KANSL1: variants seen among roughly 807,000 people sequenced by gnomAD.
KANSL1 encodes KAT8 regulatory NSL complex subunit 1.
A neutral mutation model predicts 103.6 loss-of-function variants in KANSL1; 22 were observed. The observed-to-expected ratio is 0.21, with a 90% CI of 0.15 to 0.30. The LOEUF is 0.30. Ranked by LOEUF, KANSL1 falls within the 10% of genes least tolerant of loss-of-function variation. The pLI is 1.00. For missense variants in KANSL1, 1,337 were observed against 1,399.8 expected (o/e 0.96, Z 0.72); for synonymous variants, 600 against 527.6 (o/e 1.14, Z -1.88).
chr17:46,086,355 C>T (rs2079163897), intron 3 of KANSL1, among the ~76,000 whole-genome samples: 1 of 152,160 alleles, frequency 6.6e-6, no homozygotes. Flanking sequence ...TAGGTCAAAG[C>T]TTATGTCTCT....
intron 2 of KANSL1, among the ~76,000 whole-genome samples, chr17:46,116,305 C>T (rs1332428832): frequency 2.0e-5 from 3 of 152,152 alleles, no homozygotes; most frequent in Admixed American, 6.5e-5. Context: ...CCAAGGCAGG[C>T]GGATCACGAG....
intron 1 of KANSL1, among the ~76,000 whole-genome samples, chr17:46,214,629 G>C (rs2048283112): frequency 6.6e-6 from 1 of 152,162 alleles, no homozygotes; most frequent in Non-Finnish European, 1.5e-5. Flanking sequence ...GCTCCAGCCT[G>C]GGCAACAAAG....
At chr17:46,206,307 G>A (rs1027710392) in intron 1 of KANSL1, among the ~76,000 whole-genome samples, 1 of 152,216 alleles carries the variant, frequency 6.6e-6, no homozygotes, top group Admixed American at 6.5e-5. Context: ...AAGACAGTGT[G>A]GTAGTGGCAT....
At chr17:46,105,906 GACACACACACACACACAC>G (rs773000790) in intron 2 of KANSL1, among the ~76,000 whole-genome samples, 54 of 95,266 alleles carry the variant, frequency 5.7e-4, no homozygotes, top group Middle Eastern at 0.011. Flanking sequence ...GCAAGGCCTT[GACACACACACACACACAC>G]ACACACACAC....
intron 2 of KANSL1, among the ~76,000 whole-genome samples, chr17:46,143,803 C>CAAAAAAAAAAAAAAAAAAAAAAAA (rs57361021): frequency 8.2e-5 from 7 of 85,536 alleles, no homozygotes; most frequent in Non-Finnish European, 1.2e-4. Flanking sequence ...GACTCCATCT[C>CAAAAAAAAAAAAAAAAAAAAAAAA]AAAAAAAAAA....
chr17:46,149,666 T>C (rs983451856), intron 2 of KANSL1, among the ~76,000 whole-genome samples: 2 of 152,234 alleles, frequency 1.3e-5, no homozygotes, highest in Non-Finnish European at 2.9e-5. Flanking sequence ...CCAACTAATA[T>C]CAACTTTCCT....
At chr17:46,177,935 G>A (rs571309209) in intron 1 of KANSL1, among the ~76,000 whole-genome samples, 7 of 152,232 alleles carry the variant, frequency 4.6e-5, no homozygotes, top group African/African-American at 1.7e-4. Context: ...CCGCCACCAC[G>A]CCCAGCTAGT....
intron 7 of KANSL1, among the ~76,000 whole-genome samples, chr17:46,048,658 G>A (rs1355501183): frequency 1.3e-5 from 2 of 152,170 alleles, no homozygotes; most frequent in South Asian, 2.1e-4. Flanking sequence ...ATGAGATTAC[G>A]TGAAAATTCA....
At chr17:46,043,178 G>C (rs560775176) in intron 7 of KANSL1, 1 of 152,290 alleles carries the variant, frequency 6.6e-6, no homozygotes, top group Non-Finnish European at 1.5e-5. Flanking sequence ...GTCAGCAGAA[G>C]AGTTACTCCC....
intron 2 of KANSL1, among the ~76,000 whole-genome samples, chr17:46,095,615 G>T (rs1432013383): frequency 6.6e-6 from 1 of 152,188 alleles, no homozygotes; most frequent in Non-Finnish European, 1.5e-5. Context: ...ATTTCAAATT[G>T]CTAAATATGA....
At chr17:46,080,770 A>G (rs942264288) in intron 4 of KANSL1, among the ~76,000 whole-genome samples, 9 of 149,330 alleles carry the variant, frequency 6.0e-5, no homozygotes, top group African/African-American at 2.2e-4. Context: ...AAGCATGGAT[A>G]TATTCATAAA....
chr17:46,073,552 C>T (rs1012704492), intron 4 of KANSL1, among the ~76,000 whole-genome samples: 3 of 151,896 alleles, frequency 2.0e-5, no homozygotes, highest in Non-Finnish European at 2.9e-5. Context: ...ACCTACAGGA[C>T]GTTGAGTGAG....
intron 2 of KANSL1, among the ~76,000 whole-genome samples, chr17:46,107,831 G>C (rs1316173042): frequency 6.6e-6 from 1 of 152,084 alleles, no homozygotes; most frequent in Non-Finnish European, 1.5e-5. Flanking sequence ...CAACTAGATG[G>C]ATCTGTTCAG....
intron 1 of KANSL1, among the ~76,000 whole-genome samples, chr17:46,202,871 C>G (rs2047848306): frequency 6.6e-6 from 1 of 152,130 alleles, no homozygotes; most frequent in Admixed American, 6.5e-5. Context: ...CCAAATGAAC[C>G]AACTTTAACC....
intron 1 of KANSL1, among the ~76,000 whole-genome samples, chr17:46,176,876 T>TG (rs969610976): frequency 2.0e-4 from 30 of 149,988 alleles, no homozygotes; most frequent in African/African-American, 7.4e-4. Context: ...AGTAAGGGGG[T>TG]GGGGGAGGAG....
At chr17:46,209,682 C>T in intron 1 of KANSL1, among the ~76,000 whole-genome samples, 1 of 152,140 alleles carries the variant, frequency 6.6e-6, no homozygotes, top group East Asian at 1.9e-4. Flanking sequence ...TTAGTAGAGA[C>T]AGGGTTTCAC....
At chr17:46,090,064 T>C (rs982287348) in intron 3 of KANSL1, among the ~76,000 whole-genome samples, 2 of 152,224 alleles carry the variant, frequency 1.3e-5, no homozygotes, top group African/African-American at 4.8e-5. Context: ...CCATTTAGTG[T>C]GGGCTCTAAA....
At chr17:46,120,549 A>G (rs988783165) in intron 2 of KANSL1, among the ~76,000 whole-genome samples, 1 of 152,236 alleles carries the variant, frequency 6.6e-6, no homozygotes, top group African/African-American at 2.4e-5. Context: ...ACTAAATAAA[A>G]GACAGACCCC....
intron 1 of KANSL1, among the ~76,000 whole-genome samples, chr17:46,202,206 A>G (rs1363813953): frequency 6.6e-6 from 1 of 152,192 alleles, no homozygotes. Flanking sequence ...AAAAGAAATT[A>G]TCTTCAGGCT....
Sources: gnomAD v4.1 joint callset for allele counts (sites outside exome capture counted in the v4.1 genomes callset) on GRCh38, gnomAD v4.1.1 for gene constraint, MANE v1.5 for transcripts, NCBI Gene and HGNC (gene_info 2026-07-23, HGNC 2026-07-21) for gene names.